NIPBL: variants seen among roughly 807,000 people sequenced by gnomAD.
NIPBL encodes nipped-B-like protein.
NIPBL carries 19 observed loss-of-function variants against 321.8 expected under a neutral mutation model. That is an observed-to-expected ratio of 0.06 (90% CI 0.04 to 0.09). NIPBL has a LOEUF of 0.09. Among genes scored for constraint, NIPBL ranks in the 10% least tolerant of loss-of-function variants. NIPBL has a pLI of 1.00. For missense variants in NIPBL, 2,210 were observed against 3,327.0 expected (o/e 0.66, Z 8.26); for synonymous variants, 1,106 against 1,114.1 (o/e 0.99, Z 0.14).
chr5:36,879,885 G>C (rs984300408), intron 1 of NIPBL, among the ~76,000 whole-genome samples: 1 of 152,000 alleles, frequency 6.6e-6, no homozygotes, highest in Non-Finnish European at 1.5e-5. Flanking sequence ...TTCAATGTTT[G>C]AGAAGTGTAT....
chr5:36,960,918 A>C (rs1205723669), intron 4 of NIPBL, among the ~76,000 whole-genome samples: 3 of 152,178 alleles, frequency 2.0e-5, no homozygotes, highest in African/African-American at 7.2e-5. Flanking sequence ...TATGTGACAA[A>C]GAGTTATTGT....
At chr5:37,043,108 G>A (rs916053372) in intron 34 of NIPBL, among the ~76,000 whole-genome samples, 2 of 151,846 alleles carry the variant, frequency 1.3e-5, no homozygotes, top group African/African-American at 4.8e-5. Flanking sequence ...AAATAAAGAA[G>A]TCCTAGGCTG....
At chr5:37,009,746 A>G (rs1395069351) in intron 20 of NIPBL, among the ~76,000 whole-genome samples, 1 of 152,238 alleles carries the variant, frequency 6.6e-6, no homozygotes. Context: ...AGCAAAATAT[A>G]TGGGCATTTG....
chr5:36,992,042 A>C (rs915350683), intron 10 of NIPBL, among the ~76,000 whole-genome samples: 4 of 152,168 alleles, frequency 2.6e-5, no homozygotes, highest in Non-Finnish European at 5.9e-5. Context: ...AGATTGCTTA[A>C]ATGTAGCATA....
chr5:37,046,273 A>G (rs1752971276), intron 38 of NIPBL, 74 bp downstream of exon 38: 4 of 863,010 alleles, frequency 4.6e-6, no homozygotes, highest in Non-Finnish European at 7.9e-6. Flanking sequence ...TGTGAATCTA[A>G]ATTGTTGATT....
chr5:36,934,701 TTTG>T (rs1404890328), intron 1 of NIPBL, among the ~76,000 whole-genome samples: 2 of 152,096 alleles, frequency 1.3e-5, no homozygotes, highest in Non-Finnish European at 2.9e-5. Context: ...ACTGTAAGAA[TTTG>T]TAGTGCCAAA....
chr5:37,043,574 C>T (rs1024239428), intron 34 of NIPBL, among the ~76,000 whole-genome samples: 6 of 151,688 alleles, frequency 4.0e-5, no homozygotes, highest in African/African-American at 7.3e-5. Context: ...TGGTATTATG[C>T]GCCTGTAGTC....
At chr5:37,037,826 A>C (rs143662417) in intron 33 of NIPBL, among the ~76,000 whole-genome samples, 2 of 152,036 alleles carry the variant, frequency 1.3e-5, no homozygotes, top group East Asian at 3.9e-4. Flanking sequence ...CCACCTGAAC[A>C]GCATTTTGTT....
intron 3 of NIPBL, among the ~76,000 whole-genome samples, chr5:36,955,912 A>G (rs957199878): frequency 3.3e-5 from 5 of 151,992 alleles, no homozygotes; most frequent in Admixed American, 6.6e-5. Flanking sequence ...TCATTTGTGC[A>G]GAGATCTGGT....
At chr5:37,010,335 A>G (rs1747966293) in intron 21 of NIPBL, 110 bp downstream of exon 21, 1 of 952,886 alleles carries the variant, frequency 1.0e-6, no homozygotes, top group East Asian at 2.9e-5. Flanking sequence ...CTTTTTTTTG[A>G]GACGGAGTCT....
chr5:36,915,496 AC>A (rs1210467382), intron 1 of NIPBL, among the ~76,000 whole-genome samples: 3 of 152,130 alleles, frequency 2.0e-5, no homozygotes, highest in African/African-American at 7.2e-5. Context: ...TCAGGTCAGT[AC>A]AGATTCAACA....
chr5:36,955,385 CTTACTT>C (rs1306780446), intron 2 of NIPBL, 81 bp from the exon 3 acceptor site: 24 of 1,129,434 alleles, frequency 2.1e-5, no homozygotes, highest in East Asian at 7.1e-5. Flanking sequence ...ATATTTATAA[CTTACTT>C]TTAATCCCAA....
At chr5:36,916,987 A>G (rs1561382896) in intron 1 of NIPBL, among the ~76,000 whole-genome samples, 1 of 152,194 alleles carries the variant, frequency 6.6e-6, no homozygotes, top group Non-Finnish European at 1.5e-5. Context: ...TTATAGCAGC[A>G]TGATTTATAG....
chr5:36,997,893 A>T lies in NIPBL; in HGVS notation c.3304+2089A>T, dbSNP rs189577639. On this transcript the variant is annotated intron_variant, in intron 11 of 46. Transcript: ENST00000282516. ...ATGCTGCTGAGAGAGAGAAAAAAAA[A>T]TTTTTGAAACTTAGCAGTTTAATCA... Among the ~76,000 whole-genome samples, 347 of 152,308 alleles carry T rather than the reference A, an allele frequency of 2.3e-3. 1 individual carries two copies. Among genetic ancestry groups the T allele is most frequent in the Admixed American group, 6.4e-3 (98 of 15,292 alleles).
intron 8 of NIPBL, 43 bp downstream of exon 8, chr5:36,972,084 G>C (rs1251656104): frequency 1.8e-5 from 24 of 1,320,256 alleles, no homozygotes; most frequent in Non-Finnish European, 2.4e-5. Flanking sequence ...TTTTATATTT[G>C]AAGTTGAATA....
chr5:37,052,743 G>A (rs1753699395), intron 42 of NIPBL, among the ~76,000 whole-genome samples, 177 bp downstream of exon 42: 1 of 152,142 alleles, frequency 6.6e-6, no homozygotes, highest in African/African-American at 2.4e-5. Flanking sequence ...GGGAAATTTT[G>A]TATGAGAATA....
In NIPBL at chr5:37,049,092, C is replaced by T. The variant is rs777997869; in HGVS notation, c.6764-19C>T. ...ATAGGTGCTCTTAATGTGTGTTTAT[C>T]CTTTGCTTGCTTTTGTAGGGAAGAA... On this transcript the variant is annotated intron_variant, in intron 39 of 46. Transcript: ENST00000282516. The T allele has an allele frequency of 6.2e-7, 1 of 1,613,106 alleles. No individual in the cohort carries two copies. The highest frequency in any genetic ancestry group is 1.1e-5 in the South Asian group (1 of 90,986).
chr5:36,965,939 A>G (rs1325094507), intron 6 of NIPBL, among the ~76,000 whole-genome samples: 1 of 152,040 alleles, frequency 6.6e-6, no homozygotes, highest in Non-Finnish European at 1.5e-5. Flanking sequence ...TCAACTTTAT[A>G]TTACAAAAAT....
At position 36,996,482 on chromosome 5, in the gene NIPBL, T is replaced by C; in HGVS notation, c.3304+678T>C. 1 of 456,710 alleles carries C rather than the reference T, an allele frequency of 2.2e-6. No homozygotes were observed. Among genetic ancestry groups the C allele is most frequent in the Non-Finnish European group, 4.4e-6 (1 of 226,948 alleles). 28.3% of individuals were successfully genotyped at this position (456,710 alleles called of 1,614,324 possible). A position where few individuals can be genotyped will look rare whatever the true frequency, so the allele number is the denominator to read the frequency against. ...TTCACTGTTTTCCAGAGCTGGCTTCTTCACTACACAGCTACCTCTCTACAA... is the reference window on the plus strand; with the variant it reads ...TTCACTGTTTTCCAGAGCTGGCTTCCTCACTACACAGCTACCTCTCTACAA... On this transcript the variant is annotated intron_variant, in intron 11 of 46. Coordinates refer to ENST00000282516, the MANE Select transcript of NIPBL (RefSeq NM_133433.4). This position sits in a 1 kb window ranked among gnomAD's most constrained non-coding sequence, Gnocchi z 5.0.
Sources: allele counts gnomAD v4.1 joint callset (sites outside exome capture counted in the v4.1 genomes callset), GRCh38; gene constraint gnomAD v4.1.1; non-coding constraint Gnocchi (gnomAD v3.1); transcripts MANE v1.5; gene names NCBI Gene and HGNC (gene_info 2026-07-23, HGNC 2026-07-21).